The following SLC5A4 variants were observed in gnomAD, a reference collection of about 807,000 sequenced individuals.
The protein encoded by SLC5A4 is solute carrier family 5 member 4, also known as probable glucose sensor protein SLC5A4.
In SLC5A4, 55 loss-of-function variants were observed where a neutral mutation model predicts 70.3. The observed-to-expected ratio is 0.78, with a 90% CI of 0.63 to 0.98. The LOEUF is 0.98. SLC5A4 is among the 50% of genes least tolerant of loss of function. The pLI, the probability that SLC5A4 is intolerant of heterozygous loss-of-function variation, is 0.00. For synonymous variants in SLC5A4, 268 were observed against 305.7 expected (o/e 0.88, Z 1.29); for missense variants, 735 against 839.2 (o/e 0.88, Z 1.53).
At chr22:32,287,500 A>G in the SLC5A4 span, among the ~76,000 whole-genome samples, 1 of 151,896 alleles carries the variant, frequency 6.6e-6, no homozygotes. Flanking sequence ...CTACTTCATC[A>G]TTGAATATCG....
intron 13 of SLC5A4, among the ~76,000 whole-genome samples, chr22:32,223,910 A>G (rs1925229610): frequency 6.6e-6 from 1 of 152,136 alleles, no homozygotes; most frequent in South Asian, 2.1e-4. Context: ...CATGCATACA[A>G]TAAAAGGCAA....
At chr22:32,315,017 C>CA in the SLC5A4 span, among the ~76,000 whole-genome samples, 2 of 152,314 alleles carry the variant, frequency 1.3e-5, no homozygotes, top group African/African-American at 4.8e-5. Flanking sequence ...CAAACCATAT[C>CA]AGTTGCCCTA....
chr22:32,262,884 C>T, the SLC5A4 span, among the ~76,000 whole-genome samples: 11 of 151,990 alleles, frequency 7.2e-5, no homozygotes, highest in South Asian at 2.3e-3. Context: ...ATTCTCCTGC[C>T]TCAGCCTCGC....
chr22:32,299,650 C>T, the SLC5A4 span, among the ~76,000 whole-genome samples: 1 of 100,806 alleles, frequency 9.9e-6, no homozygotes, highest in African/African-American at 3.7e-5. Context: ...CTTCTTCTCT[C>T]AGCTCGTCAA....
chr22:32,323,368 C>G, the SLC5A4 span, among the ~76,000 whole-genome samples: 1 of 152,248 alleles, frequency 6.6e-6, no homozygotes, highest in Non-Finnish European at 1.5e-5. Flanking sequence ...TAACCAAGCT[C>G]TGGGATAAAG....
At chr22:32,305,731 G>A in the SLC5A4 span, among the ~76,000 whole-genome samples, 5 of 129,802 alleles carry the variant, frequency 3.9e-5, no homozygotes, top group South Asian at 2.5e-4. Context: ...CTCATTAAAG[G>A]TGGTTACTCT....
At position 32,237,238 on chromosome 22, in the gene SLC5A4, A is replaced by G; in HGVS notation, c.664+6T>C. On this transcript the variant is annotated splice_donor_region_variant and intron_variant, in intron 7 of 14. Transcript: ENST00000266086. ...CCTGGGCACTGCACGCAGGGTCATC[A>G]CTTACCAAACCCCATGAGAATAAAA... is the stretch of plus-strand genomic sequence containing the variant. 6.2e-7 allele frequency: 1 copy of G among 1,603,054 alleles called. No individual in the cohort carries two copies. The highest frequency in any genetic ancestry group is 8.5e-7 in the Non-Finnish European group (1 of 1,173,092).
At chr22:32,251,092 C>T (rs139614908) in intron 3 of SLC5A4, among the ~76,000 whole-genome samples, 12 of 135,608 alleles carry the variant, frequency 8.8e-5, no homozygotes, top group African/African-American at 3.4e-4. Context: ...CCTGCAGGTT[C>T]TGCACATGTA....
At chr22:32,237,440 A>G (rs909395525) in intron 6 of SLC5A4, 116 bp from the exon 7 acceptor site, 3 of 652,304 alleles carry the variant, frequency 4.6e-6, no homozygotes, top group Non-Finnish European at 7.7e-6. Context: ...AGAAGACATC[A>G]AAAGCTCCTG....
chr22:32,224,404 T>A lies in SLC5A4; in HGVS notation c.1528A>T (p.Ser510Cys). Residue 510 changes from serine (S) to cysteine (C), a missense_variant, in exon 13 of 15, where the codon AGT becomes TGT. Transcript: ENST00000266086. ...MITEFAYGTG[S>C]CLAPSNCPKI... The stretch of plus-strand genomic sequence containing the variant: ...GGACAGTTACTGGGAGCCAAGCAAC[T>A]CCCTGTTCCATAAGCAAACTCTGTT... The A allele has an allele frequency of 6.2e-7, 1 of 1,614,018 alleles. No homozygotes were observed. The highest frequency in any genetic ancestry group is 1.1e-5 in the South Asian group (1 of 91,074).
At chr22:32,240,872 CA>C (rs1322069395) in intron 5 of SLC5A4, among the ~76,000 whole-genome samples, 2 of 152,148 alleles carry the variant, frequency 1.3e-5, no homozygotes, top group African/African-American at 2.4e-5. Context: ...ATACTGCTAT[CA>C]TGGAATTTTA....
At chr22:32,301,626 C>A in the SLC5A4 span, among the ~76,000 whole-genome samples, 1 of 152,170 alleles carries the variant, frequency 6.6e-6, no homozygotes, top group Non-Finnish European at 1.5e-5. Context: ...AAGTCCCTCT[C>A]AAAATCCTAG....
At chr22:32,332,385 T>C in the SLC5A4 span, among the ~76,000 whole-genome samples, 2 of 152,002 alleles carry the variant, frequency 1.3e-5, no homozygotes, top group African/African-American at 2.4e-5. Context: ...CTGCACATGC[T>C]ATTTCCAGTG....
At chr22:32,283,221 G>T in the SLC5A4 span, among the ~76,000 whole-genome samples, 1 of 152,168 alleles carries the variant, frequency 6.6e-6, no homozygotes, top group African/African-American at 2.4e-5. Flanking sequence ...AACCTGCCAG[G>T]CACACACCTG....
chr22:32,310,979 A>G, the SLC5A4 span, among the ~76,000 whole-genome samples: 1 of 151,550 alleles, frequency 6.6e-6, no homozygotes, highest in Admixed American at 6.5e-5. Flanking sequence ...CCTTGAAACC[A>G]CCAAGCCTGT....
At chr22:32,333,365 G>A in the SLC5A4 span, among the ~76,000 whole-genome samples, 4 of 152,186 alleles carry the variant, frequency 2.6e-5, no homozygotes, top group African/African-American at 9.7e-5. Flanking sequence ...TGAGGAATGA[G>A]TAGGAGCTCG....
chr22:32,277,121 A>G, the SLC5A4 span: 1 of 152,164 alleles, frequency 6.6e-6, no homozygotes, highest in African/African-American at 2.4e-5. Flanking sequence ...TTCTAATCCA[A>G]CAAATCAGAT....
At chr22:32,322,386 G>A in the SLC5A4 span, among the ~76,000 whole-genome samples, 8 of 152,008 alleles carry the variant, frequency 5.3e-5, no homozygotes, top group African/African-American at 1.7e-4. Flanking sequence ...TCAGGAGTTC[G>A]AGACCAGCTC....
chr22:32,284,324 C>T, the SLC5A4 span, among the ~76,000 whole-genome samples: 2,500 of 152,274 alleles, frequency 0.016, 65 homozygotes, highest in African/African-American at 0.056. Flanking sequence ...TTATCTATTG[C>T]CATATAACAA....
Sources: allele counts gnomAD v4.1 joint callset (sites outside exome capture counted in the v4.1 genomes callset), GRCh38; gene constraint gnomAD v4.1.1; transcripts MANE v1.5; gene names NCBI Gene and HGNC (gene_info 2026-07-23, HGNC 2026-07-21).